TANC2: variants seen among roughly 807,000 people sequenced by gnomAD.
TANC2 encodes the protein tetratricopeptide repeat, ankyrin repeat and coiled-coil containing 2, also known as protein TANC2.
Under a neutral mutation model 210.5 loss-of-function variants are expected in TANC2, and 26 were observed. That is an observed-to-expected ratio of 0.12 (90% CI 0.09 to 0.17). The LOEUF is 0.17. Among genes scored for constraint, TANC2 ranks in the 10% least tolerant of loss-of-function variants. TANC2 has a pLI of 1.00. For missense variants in TANC2, 2,129 were observed against 2,608.9 expected, an observed-to-expected ratio of 0.82 and a Z score of 4.01; for synonymous variants, 931 against 967.1, an observed-to-expected ratio of 0.96 and a Z score of 0.69.
intron 21 of TANC2, among the ~76,000 whole-genome samples, chr17:63,407,112 G>A (rs1028503340): frequency 2.6e-5 from 4 of 152,210 alleles, no homozygotes; most frequent in Admixed American, 1.3e-4. Context: ...AGTTTAATTA[G>A]GAAGAAATTA....
intron 9 of TANC2, among the ~76,000 whole-genome samples, chr17:63,273,377 A>ATT (rs2043775740): frequency 6.6e-6 from 1 of 152,160 alleles, no homozygotes; most frequent in Non-Finnish European, 1.5e-5. Flanking sequence ...TGTTAAATAT[A>ATT]CTTTGTTTAA....
intron 9 of TANC2, among the ~76,000 whole-genome samples, chr17:63,308,903 A>G (rs2045019425): frequency 6.6e-6 from 1 of 152,154 alleles, no homozygotes; most frequent in South Asian, 2.1e-4. Context: ...AATTATAATT[A>G]AAGATATAAT....
rs184839437 is a variant in TANC2 at position 63,408,976 on chromosome 17, T to G, written c.3590-2535T>G. On this transcript the variant is annotated intron_variant, in intron 21 of 27. Transcript: ENST00000689528. ...TGGGTCTTAAGAACCAAATGTATAT[T>G]GGATTTTAGACTGATTACAAAACAG... Among the ~76,000 whole-genome samples, 43 of 151,984 alleles carry G rather than the reference T, an allele frequency of 2.8e-4. No homozygotes were observed. In the East Asian group the frequency reaches 8.1e-3, roughly 29 times the overall value.
intron 5 of TANC2, among the ~76,000 whole-genome samples, chr17:63,165,528 C>G (rs915943447): frequency 6.6e-6 from 1 of 152,158 alleles, no homozygotes; most frequent in African/African-American, 2.4e-5. Context: ...AGGTCTTTCC[C>G]ATTACCCGGT....
rs959718015 is a variant in TANC2, at chr17:63,418,023, C to T, written c.4168-284C>T. 1.4e-4 allele frequency among the ~76,000 whole-genome samples: 22 copies of T among 152,114 alleles called. No homozygotes were observed. Among genetic ancestry groups the T allele is most frequent in the African/African-American group, 4.6e-4 (19 of 41,418 alleles). ...CTGGAAAGGGTTGGTGTTTGGCTTC[C>T]GGGCTGAGAACTTTATTAGAAAGGC... On this transcript the variant is annotated intron_variant, in intron 26 of 27. Coordinates refer to ENST00000689528, the Ensembl canonical transcript of TANC2. The surrounding 1 kb of genome is among the most constrained non-coding windows in gnomAD (Gnocchi z 4.6).
At chr17:63,219,507 T>G (rs1232071296) in intron 7 of TANC2, among the ~76,000 whole-genome samples, 1 of 152,148 alleles carries the variant, frequency 6.6e-6, no homozygotes, top group East Asian at 1.9e-4. Context: ...ACCTCCCAGG[T>G]TCAAACAGTT....
At chr17:63,226,659 G>A (rs942330085) in intron 7 of TANC2, among the ~76,000 whole-genome samples, 3 of 152,178 alleles carry the variant, frequency 2.0e-5, no homozygotes, top group East Asian at 3.9e-4. Flanking sequence ...TTTTTACGTA[G>A]GGAAATGTGT....
At chr17:63,167,401 A>G (rs571500008) in intron 5 of TANC2, among the ~76,000 whole-genome samples, 1 of 152,320 alleles carries the variant, frequency 6.6e-6, no homozygotes, top group East Asian at 1.9e-4. Flanking sequence ...TGGCATTTAC[A>G]TGACAATCTG....
At chr17:63,417,141 C>T (rs185849027) in intron 26 of TANC2, among the ~76,000 whole-genome samples, 58 of 152,312 alleles carry the variant, frequency 3.8e-4, no homozygotes, top group Non-Finnish European at 2.2e-4. Context: ...TGTTCAGAAG[C>T]GGTTGTTAAT....
intron 10 of TANC2, among the ~76,000 whole-genome samples, chr17:63,317,428 C>G (rs2045351299): frequency 6.6e-6 from 1 of 151,640 alleles, no homozygotes; most frequent in Non-Finnish European, 1.5e-5. Flanking sequence ...CAGTCTCCAC[C>G]ACCACCACCA....
rs79252817 is a variant in TANC2, at chr17:63,422,428, G to A, written c.*473G>A. The A allele has an allele frequency of 7.5e-4, 127 of 169,814 alleles. 10 individuals carry two copies. The East Asian group carries it at 0.01, about 14-fold the overall frequency. The allele number at this position is 169,814 out of a possible 1,614,324, so 10.5% of individuals were successfully genotyped here. ...TGTCACCCACACAGCCAGCCGCAGC[G>A]CATTCTCATGCTGTGGCCCCTCCCC... On this transcript the variant is annotated 3_prime_UTR_variant, in exon 28 of 28. Coordinates refer to ENST00000689528, the Ensembl canonical transcript of TANC2.
intron 7 of TANC2, 35 bp downstream of exon 7, chr17:63,200,992 T>A: frequency 6.5e-7 from 1 of 1,527,884 alleles, no homozygotes; most frequent in African/African-American, 1.4e-5. Flanking sequence ...TTTTGTGTCC[T>A]TTTTTTCCTT....
intron 8 of TANC2, among the ~76,000 whole-genome samples, chr17:63,252,184 T>C (rs2043069990): frequency 6.6e-6 from 1 of 152,158 alleles, no homozygotes; most frequent in African/African-American, 2.4e-5. Flanking sequence ...AAATATTAGA[T>C]GAGTATAATT....
chr17:63,084,397 GCTC>G (rs1382868901), intron 3 of TANC2, among the ~76,000 whole-genome samples: 1 of 151,718 alleles, frequency 6.6e-6, no homozygotes, highest in Non-Finnish European at 1.5e-5. Context: ...CTGGCTAGAA[GCTC>G]CTCAATTTTA....
intron 9 of TANC2, among the ~76,000 whole-genome samples, chr17:63,278,757 T>A (rs957800918): frequency 2.0e-5 from 3 of 152,138 alleles, no homozygotes; most frequent in South Asian, 2.1e-4. Context: ...CAAGAAAATG[T>A]GGTCTATATA....
At chr17:62,991,814 A>G (rs963287384) in intron 1 of TANC2, among the ~76,000 whole-genome samples, 66 of 152,196 alleles carry the variant, frequency 4.3e-4, no homozygotes, top group African/African-American at 1.2e-3. Flanking sequence ...ATTAAAGACC[A>G]GAGGAGACTG....
At position 63,174,054 on chromosome 17, in the gene TANC2, G is replaced by C. The variant is rs1026167938; in HGVS notation, c.434-19937G>C. ...GCCACTTGTGCCATTCTCTTTTGTT[G>C]GTACCTTATGAACTTCATGACAGCT... On this transcript the variant is annotated intron_variant, in intron 5 of 27. Transcript: ENST00000689528. Among the ~76,000 whole-genome samples the C allele has an allele frequency of 5.9e-5, 9 of 152,206 alleles. No individual in the cohort carries two copies. The South Asian group carries it at 6.2e-4, about 11-fold the overall frequency.
chr17:63,020,916 T>A (rs4273106), intron 2 of TANC2, among the ~76,000 whole-genome samples: 143,870 of 152,134 alleles, frequency 0.95, 68,127 homozygotes, highest in South Asian at 0.99. Context: ...AAGAGTGGAA[T>A]TGAGAGAGGG....
intron 4 of TANC2, among the ~76,000 whole-genome samples, chr17:63,111,055 G>A (rs902288361): frequency 1.3e-4 from 20 of 152,200 alleles, no homozygotes; most frequent in Non-Finnish European, 2.1e-4. Flanking sequence ...GCTCACACCT[G>A]TAATCCCAGC....
Sources: allele counts gnomAD v4.1 joint callset (sites outside exome capture counted in the v4.1 genomes callset), GRCh38; gene constraint gnomAD v4.1.1; non-coding constraint Gnocchi (gnomAD v3.1); transcripts MANE v1.5; gene names NCBI Gene and HGNC (gene_info 2026-07-23, HGNC 2026-07-21).